TLN2: variants seen among roughly 807,000 people sequenced by gnomAD.
The protein encoded by TLN2 is talin 2.
A neutral mutation model predicts 294.7 loss-of-function variants in TLN2; 118 were observed. The ratio of observed to expected loss-of-function variants is 0.40; its 90% confidence interval spans 0.34 to 0.47. The LOEUF (loss-of-function observed/expected upper bound fraction) is 0.47. Ranked by LOEUF, TLN2 falls within the 20% of genes least tolerant of loss-of-function variation. The pLI is 0.84. For missense variants in TLN2, 3,083 were observed against 3,282.2 expected, an observed-to-expected ratio of 0.94 and a Z score of 1.48; for synonymous variants, 1,431 against 1,304.5, an observed-to-expected ratio of 1.10 and a Z score of -2.09.
In TLN2 at chr15:62,770,660, T is replaced by C. The variant is rs143187548; in HGVS notation, c.5197-304T>C. ...ATGTCTTTAGTTCTTTTAAAAGTTG[T>C]TAATTTATAGAAATTGACAGTTTGT... On this transcript the variant is annotated intron_variant, in intron 41 of 58. Transcript: ENST00000636159. 1.2e-3 allele frequency among the ~76,000 whole-genome samples: 185 copies of C among 152,338 alleles called. 1 individual carries two copies. The East Asian group carries it at 0.029, about 24-fold the overall frequency.
chr15:62,778,009 G>T (rs978538550), intron 43 of TLN2, among the ~76,000 whole-genome samples: 1 of 152,222 alleles, frequency 6.6e-6, no homozygotes, highest in African/African-American at 2.4e-5. Context: ...AATGTCCATT[G>T]TCAGATTGTG....
chr15:62,648,544 G>GT (rs2052191862), intron 4 of TLN2, among the ~76,000 whole-genome samples: 1 of 92,150 alleles, frequency 1.1e-5, no homozygotes, highest in African/African-American at 3.9e-5. Context: ...TGATGATGAC[G>GT]ATTTTTTTTT....
chr15:62,615,220 C>T (rs966052487), intron 2 of TLN2, among the ~76,000 whole-genome samples: 5 of 152,216 alleles, frequency 3.3e-5, no homozygotes, highest in Admixed American at 6.5e-5. Flanking sequence ...AGATGTCTGG[C>T]CCTCACCTAA....
chr15:62,466,856 A>G (rs1209986745), intron 1 of TLN2, among the ~76,000 whole-genome samples: 1 of 152,230 alleles, frequency 6.6e-6, no homozygotes, highest in African/African-American at 2.4e-5. Context: ...CCTTGTCTCC[A>G]CTAAGCAGCT....
At chr15:62,800,306 T>G in intron 48 of TLN2, 62 bp from the exon 49 acceptor site, 1 of 1,581,216 alleles carries the variant, frequency 6.3e-7, no homozygotes, top group Non-Finnish European at 8.6e-7. Context: ...GCTGCATGCC[T>G]TGGTAAAGCC....
At chr15:62,699,043 ATAGGGTACTGCTGGCTGTTG>A (rs2058543818) in intron 16 of TLN2, among the ~76,000 whole-genome samples, 176 bp downstream of exon 16, 1 of 152,200 alleles carries the variant, frequency 6.6e-6, no homozygotes, top group Non-Finnish European at 1.5e-5. Flanking sequence ...GGAGAGAATC[ATAGGGTACTGCTGGCTGTTG>A]GCAGTACCAC....
chr15:62,433,067 G>A (rs1231172613), intron 1 of TLN2, among the ~76,000 whole-genome samples: 1 of 152,144 alleles, frequency 6.6e-6, no homozygotes, highest in Non-Finnish European at 1.5e-5. Context: ...AGGGGCAGAG[G>A]GTGTGAGATG....
chr15:62,566,974 G>GA (rs2043454988), intron 1 of TLN2, among the ~76,000 whole-genome samples: 1 of 151,960 alleles, frequency 6.6e-6, no homozygotes, highest in African/African-American at 2.4e-5. Context: ...CACCTCTCAG[G>GA]AAAAAATTTG....
intron 1 of TLN2, among the ~76,000 whole-genome samples, chr15:62,466,139 G>A (rs372569647): frequency 5.3e-5 from 8 of 152,288 alleles, no homozygotes; most frequent in East Asian, 1.9e-4. Flanking sequence ...GAGAGCAGCC[G>A]TACTTTAAGC....
chr15:62,727,267 C>A, intron 28 of TLN2, 78 bp downstream of exon 28: 1 of 1,304,456 alleles, frequency 7.7e-7, no homozygotes, highest in Non-Finnish European at 1.1e-6. Flanking sequence ...GGAGTTCATT[C>A]CTTTGACAAT....
chr15:62,394,405 A>T (rs574337998), intron 1 of TLN2, among the ~76,000 whole-genome samples: 26 of 152,338 alleles, frequency 1.7e-4, no homozygotes, highest in African/African-American at 6.0e-4. Flanking sequence ...AGGTACAAAA[A>T]TTTTAAAGAC....
intron 1 of TLN2, among the ~76,000 whole-genome samples, chr15:62,574,962 T>C (rs1225677320): frequency 2.6e-5 from 4 of 151,782 alleles, no homozygotes. Context: ...CCAAAAAAAA[T>C]GGAGATTCTG....
chr15:62,681,575 A>C (rs2056833050), intron 11 of TLN2, among the ~76,000 whole-genome samples: 1 of 152,202 alleles, frequency 6.6e-6, no homozygotes, highest in Admixed American at 6.5e-5. Context: ...GGAGTTGGGA[A>C]GATTGGCCTA....
rs1054618081 is a variant in TLN2 at position 62,783,137 on chromosome 15, T to C, written c.5617-634T>C. ...GGCTACACACTACTCTTAACTAAAT[T>C]TGTGGCTAAAACCTTGTCATTCTTT... On this transcript the variant is annotated intron_variant, in intron 44 of 58. Coordinates refer to ENST00000636159, the MANE Select transcript of TLN2 (RefSeq NM_015059.3). Among the ~76,000 whole-genome samples the C allele has an allele frequency of 3.9e-5, 6 of 152,212 alleles. No individual in the cohort carries two copies. The East Asian group carries it at 9.6e-4, about 24-fold the overall frequency.
At chr15:62,827,284 C>T (rs1325204973) in intron 54 of TLN2, among the ~76,000 whole-genome samples, 4 of 152,050 alleles carry the variant, frequency 2.6e-5, no homozygotes, top group Non-Finnish European at 5.9e-5. Context: ...TGGGTAAGGA[C>T]GTTGAGGAGG....
At chr15:62,478,451 A>T (rs563188235) in intron 1 of TLN2, among the ~76,000 whole-genome samples, 3 of 152,102 alleles carry the variant, frequency 2.0e-5, no homozygotes, top group African/African-American at 7.2e-5. Context: ...TGGCTCCTTG[A>T]GGTGGGGGAG....
intron 32 of TLN2, among the ~76,000 whole-genome samples, chr15:62,744,290 T>A: frequency 6.6e-6 from 1 of 152,218 alleles, no homozygotes; most frequent in East Asian, 1.9e-4. Context: ...CTGGTACTGC[T>A]TTCTTTCATC....
intron 1 of TLN2, among the ~76,000 whole-genome samples, chr15:62,409,592 T>G (rs1262459907): frequency 6.6e-6 from 1 of 152,232 alleles, no homozygotes; most frequent in Non-Finnish European, 1.5e-5. Context: ...TAAATTCCTT[T>G]GGAGCATTAA....
intron 1 of TLN2, among the ~76,000 whole-genome samples, chr15:62,584,053 A>G (rs1393128157): frequency 6.6e-6 from 1 of 152,228 alleles, no homozygotes; most frequent in East Asian, 1.9e-4. Flanking sequence ...ATTGTGCTTC[A>G]TCATTTAATT....
Sources: allele counts gnomAD v4.1 joint callset (sites outside exome capture counted in the v4.1 genomes callset), GRCh38; gene constraint gnomAD v4.1.1; transcripts MANE v1.5; gene names NCBI Gene and HGNC (gene_info 2026-07-23, HGNC 2026-07-21).